Variants in CDH23 observed in about 807,000 individuals in gnomAD.
The protein encoded by CDH23 is cadherin-23.
In CDH23, 189 loss-of-function variants were observed where a neutral mutation model predicts 317.1. The ratio of observed to expected loss-of-function variants is 0.60; its 90% CI spans 0.53 to 0.67. CDH23 has a LOEUF of 0.67. CDH23 is among the 30% of genes least tolerant of loss of function. The probability of loss-of-function intolerance (pLI) is 0.00; values close to 1 mark genes in which losing one functional copy is unlikely to be tolerated. For synonymous variants in CDH23, 1,839 were observed against 1,876.8 expected, an observed-to-expected ratio of 0.98 and a Z score of 0.52; for missense variants, 4,401 against 4,592.4, an observed-to-expected ratio of 0.96 and a Z score of 1.20.
intron 40 of CDH23, 121 bp downstream of exon 40, chr10:71,778,429 GA>G (rs1840869234): frequency 7.6e-7 from 1 of 1,314,758 alleles, no homozygotes; most frequent in African/African-American, 1.5e-5. Flanking sequence ...CTAAATCCAA[GA>G]CCCCTGTCCT....
intron 3 of CDH23, among the ~76,000 whole-genome samples, chr10:71,456,120 A>G (rs998542380): frequency 1.3e-5 from 2 of 150,532 alleles, no homozygotes; most frequent in Admixed American, 1.3e-4. Flanking sequence ...CTGGAGCTAG[A>G]GCGCTTAAGG....
In CDH23 at chr10:71,417,560, A is replaced by G. The variant is rs140933146; in HGVS notation, c.-6+20242A>G. 2.0e-4 allele frequency among the ~76,000 whole-genome samples: 31 copies of G among 152,218 alleles called. No individual in the cohort carries two copies. The East Asian group carries it at 5.8e-3, about 28-fold the overall frequency. On this transcript the variant is annotated intron_variant, in intron 1 of 69. Coordinates refer to ENST00000224721, the MANE Select transcript of CDH23 (RefSeq NM_022124.6). ...CTTAAATTATACACATGTACTAGAT[A>G]TTTTCACCATGTCCCATATATCTCT...
At chr10:71,733,025 A>G (rs1384167022) in intron 32 of CDH23, among the ~76,000 whole-genome samples, 1 of 152,194 alleles carries the variant, frequency 6.6e-6, no homozygotes, top group Admixed American at 6.5e-5. Flanking sequence ...CCTCCACTTC[A>G]GCTGCCAATC....
intron 24 of CDH23, among the ~76,000 whole-genome samples, chr10:71,703,339 G>A (rs992498145): frequency 3.9e-5 from 6 of 152,212 alleles, no homozygotes; most frequent in East Asian, 1.9e-4. Context: ...AGCATGGGCC[G>A]TGGAGTCCAA....
intron 9 of CDH23, among the ~76,000 whole-genome samples, chr10:71,591,734 C>A (rs968393809): frequency 1.3e-5 from 2 of 152,176 alleles, no homozygotes; most frequent in Admixed American, 1.3e-4. Context: ...TGACTTGGGC[C>A]TTTCCTTGAC....
chr10:71,684,669 G>A (rs948804558), intron 18 of CDH23, among the ~76,000 whole-genome samples: 1 of 152,172 alleles, frequency 6.6e-6, no homozygotes, highest in Non-Finnish European at 1.5e-5. Flanking sequence ...ATGTCTTATC[G>A]CTGTAATGAC....
Position 71,741,918 on chromosome 10 carries a change from G to A in CDH23, c.4842G>A (p.Leu1614=), listed in dbSNP as rs368377560. 1.9e-6 allele frequency: 3 copies of A among 1,589,278 alleles called. No individual in the cohort carries two copies. Among genetic ancestry groups the A allele is most frequent in the Non-Finnish European group, 8.6e-7 (1 of 1,167,180 alleles). ...TGGAGGACGAGGGCACCCCAACCCT[G>A]TCGGTGAGCGATGGGGGTGGCCACA... ...ATVEDEGTPT[L]SATTHVYVTI... The change falls in exon 38 of 70, where the codon CTG becomes CTA. Residue 1614 remains leucine (L), a synonymous_variant. Transcript: ENST00000224721.
chr10:71,781,545 G>A (rs1335809747), intron 41 of CDH23, among the ~76,000 whole-genome samples: 1 of 152,206 alleles, frequency 6.6e-6, no homozygotes, highest in Non-Finnish European at 1.5e-5. Flanking sequence ...CAGCCTCAAG[G>A]CACAGAGCAC....
chr10:71,437,571 G>A (rs1420323784), intron 1 of CDH23, among the ~76,000 whole-genome samples: 1 of 152,190 alleles, frequency 6.6e-6, no homozygotes. Context: ...GTAGCCTCAC[G>A]GCTCTGTACA....
At chr10:71,702,997 T>C (rs1405982317) in intron 24 of CDH23, among the ~76,000 whole-genome samples, 1 of 152,198 alleles carries the variant, frequency 6.6e-6, no homozygotes, top group African/African-American at 2.4e-5. Context: ...AGCCTGCAGA[T>C]GGTTCTAGAA....
intron 11 of CDH23, among the ~76,000 whole-genome samples, chr10:71,641,242 C>T (rs971403019): frequency 3.3e-5 from 5 of 152,222 alleles, no homozygotes; most frequent in African/African-American, 1.2e-4. Flanking sequence ...TAGCTTTTCC[C>T]AGCCCCCAGA....
At position 71,784,528 on chromosome 10, in the gene CDH23, C is replaced by T. The variant is rs1841045725; in HGVS notation, c.5502+108C>T. ...TGTGCCAAGAGAGGCCACAGGCTGC[C>T]CTGGAGCCAGGCCAGGCCTGCCCCT... On this transcript the variant is annotated intron_variant, in intron 42 of 69. Coordinates refer to ENST00000224721, the MANE Select transcript of CDH23 (RefSeq NM_022124.6). 1.1e-5 allele frequency: 16 copies of T among 1,459,794 alleles called. No individual in the cohort carries two copies. In the Middle Eastern group the frequency reaches 1.4e-3, roughly 127 times the overall value. The allele number at this position is 1,459,794 out of a possible 1,614,324, so 90.4% of individuals were successfully genotyped here. A position where few individuals can be genotyped will look rare whatever the true frequency, so the allele number is the denominator to read the frequency against.
At chr10:71,400,629 G>A (rs913750747) in intron 1 of CDH23, among the ~76,000 whole-genome samples, 2 of 152,060 alleles carry the variant, frequency 1.3e-5, no homozygotes, top group African/African-American at 4.8e-5. Flanking sequence ...GTGAAACCTG[G>A]CTCTACTAAA....
chr10:71,812,160 C>T lies in CDH23; in HGVS notation c.9380+145C>T, dbSNP rs533487732. The T allele has an allele frequency of 1.3e-4, 213 of 1,587,206 alleles. 1 individual carries two copies. In the African/African-American group the frequency reaches 2.5e-3, roughly 18 times the overall value. ...GTGGGCGGGCCACCCTCCCTTCACC[C>T]TCCCTCCACCCTCAGAAACCACGTG... is the stretch of plus-strand genomic sequence containing the variant. On this transcript the variant is annotated intron_variant, in intron 66 of 69. Transcript: ENST00000224721.
At chr10:71,490,025 G>T (rs894575982) in intron 3 of CDH23, among the ~76,000 whole-genome samples, 1 of 151,902 alleles carries the variant, frequency 6.6e-6, no homozygotes, top group Non-Finnish European at 1.5e-5. Flanking sequence ...CTGCTTGAGG[G>T]GGGTGTTTCC....
intron 10 of CDH23, 29 bp from the exon 11 acceptor site, chr10:71,617,176 A>G: frequency 6.3e-7 from 1 of 1,599,166 alleles, no homozygotes; most frequent in Non-Finnish European, 8.6e-7. Flanking sequence ...AGCTGCCTTC[A>G]CTCCGGGGTG....
chr10:71,560,407 G>A lies in CDH23; in HGVS notation c.430-6335G>A, dbSNP rs796315498. Among the ~76,000 whole-genome samples the A allele has an allele frequency of 9.2e-5, 14 of 152,054 alleles. 1 individual carries two copies. Among genetic ancestry groups the A allele is most frequent in the African/African-American group, 3.4e-4 (14 of 41,466 alleles). On this transcript the variant is annotated intron_variant, in intron 6 of 69. Coordinates refer to ENST00000224721, the MANE Select transcript of CDH23 (RefSeq NM_022124.6). ...CAAACCTCTGTTCTCTTACCTAGAG[G>A]CGTCTTCAGCTGCCACCCTCATCCC...
In CDH23 at chr10:71,763,126, C is replaced by T. The variant is rs973137145; in HGVS notation, c.4846-14554C>T. On this transcript the variant is annotated intron_variant, in intron 38 of 69. Coordinates refer to ENST00000224721, the MANE Select transcript of CDH23 (RefSeq NM_022124.6). Reference sequence around the variant, plus strand: ...AAGATGTGAGCTCTAATGCCCTCTGCAGACATCTGAGGGATAGCTATAATT... The same window carrying T: ...AAGATGTGAGCTCTAATGCCCTCTGTAGACATCTGAGGGATAGCTATAATT... Among the ~76,000 whole-genome samples the T allele has an allele frequency of 2.6e-5, 4 of 152,210 alleles. No individual in the cohort carries two copies. The East Asian group carries it at 5.8e-4, about 22-fold the overall frequency.
chr10:71,771,354 A>G (rs758681473), intron 38 of CDH23, among the ~76,000 whole-genome samples: 4 of 152,150 alleles, frequency 2.6e-5, no homozygotes, highest in Non-Finnish European at 5.9e-5. Context: ...CAACCCCAAG[A>G]GCTGGAGAAC....
Sources: allele counts gnomAD v4.1 joint callset (sites outside exome capture counted in the v4.1 genomes callset), GRCh38; gene constraint gnomAD v4.1.1; transcripts MANE v1.5; gene names NCBI Gene and HGNC (gene_info 2026-07-23, HGNC 2026-07-21).